TACC3: variants seen among roughly 807,000 people sequenced by gnomAD.
The protein encoded by TACC3 is transforming acidic coiled-coil containing protein 3, also known as transforming acidic coiled-coil-containing protein 3.
A neutral mutation model predicts 86.0 loss-of-function variants in TACC3; 52 were observed. The observed-to-expected ratio is 0.60, with a 90% CI of 0.48 to 0.76. The LOEUF (loss-of-function observed/expected upper bound fraction) is 0.76. TACC3 is among the 30% of genes least tolerant of loss of function. The probability of loss-of-function intolerance (pLI) is 0.00; values close to 1 mark genes in which losing one functional copy is unlikely to be tolerated. For synonymous variants in TACC3, 512 were observed against 430.0 expected, an observed-to-expected ratio of 1.19 and a Z score of -2.36; for missense variants, 1,120 against 1,070.4, an observed-to-expected ratio of 1.05 and a Z score of -0.65.
rs1717837461 is a variant in TACC3, at chr4:1,728,595, CT to C, written c.1195del (p.Ser399LeufsTer62). On this transcript the variant is annotated frameshift_variant, in exon 4 of 16. Coordinates refer to ENST00000313288, the MANE Select transcript of TACC3 (RefSeq NM_006342.3). LOFTEE classifies it high-confidence loss of function. ...GCAGGAGAGGACCCCCCCATGCCAGCTTCTCGGGGCTCTTACCACCTCGACT... is the reference window on the plus strand; with the variant it reads ...GCAGGAGAGGACCCCCCCATGCCAGCTCTCGGGGCTCTTACCACCTCGACT... ...SGAGEDPPMP[A>X]SRGSYHLDWD... 1 of 1,613,854 alleles carries C rather than the reference CT, an allele frequency of 6.2e-7. No individual in the cohort carries two copies. Among genetic ancestry groups the C allele is most frequent in the South Asian group, 1.1e-5 (1 of 91,086 alleles).
chr4:1,732,345 G>C (rs1007802181), intron 6 of TACC3, among the ~76,000 whole-genome samples: 25 of 149,504 alleles, frequency 1.7e-4, no homozygotes, highest in African/African-American at 6.2e-4. Context: ...CGGTTTGTCC[G>C]TAAGATTGGA....
Position 1,745,036 on chromosome 4 carries a change from G to GC in TACC3, c.*29dup, listed in dbSNP as rs752588395. ...TGACCTCCACGGAGCCGCTGTCCCC[G>GC]CCCCCCTGCTCCCGTCTGTCTGTCC... On this transcript the variant is annotated 3_prime_UTR_variant, in exon 16 of 16. Transcript: ENST00000313288. 29 of 1,589,806 alleles carry GC rather than the reference G, an allele frequency of 1.8e-5. No homozygotes were observed. The highest frequency in any genetic ancestry group is 7.1e-5 in the Admixed American group (4 of 56,260).
chr4:1,727,834 T>G lies in TACC3; in HGVS notation c.432T>G (p.Ser144=). The G allele has an allele frequency of 6.2e-7, 1 of 1,613,124 alleles. No individual in the cohort carries two copies. Among genetic ancestry groups the G allele is most frequent in the Non-Finnish European group, 8.5e-7 (1 of 1,180,010 alleles). The part of the protein sequence containing the change: ...PAFGSGSSSE[S]GPGALADLDC... ...TTGGGAGTGGCAGCTCCAGCGAGTC[T>G]GGCCCAGGTGCCCTGGCTGACCTGG... Residue 144 remains serine (S), a synonymous_variant, in exon 4 of 16, where the codon TCT becomes TCG. Coordinates refer to ENST00000313288, the MANE Select transcript of TACC3 (RefSeq NM_006342.3).
intron 1 of TACC3, 77 bp from the exon 2 acceptor site, chr4:1,723,341 TGCA>T (rs1717511919): frequency 6.8e-7 from 1 of 1,478,832 alleles, no homozygotes; most frequent in African/African-American, 1.4e-5. Context: ...TCGTGCCCCT[TGCA>T]GCAGCTGTCA....
rs1276891271 is a variant in TACC3, at chr4:1,728,087, C to T, written c.685C>T (p.Pro229Ser). ...CGAGGAAGAATGCAAAGCGGAGACT[C>T]CGCACGGAGCCGAGGAGGAATGCCG... The part of the protein sequence containing the change: ...GAEEECKAET[P>S]HGAEEECRHG... Residue 229 changes from proline to serine, a missense_variant, in exon 4 of 16, where the codon CCG (proline) becomes TCG (serine). Physicochemically the swap from Pro to Ser is moderately conservative, Grantham distance 74. Coordinates refer to ENST00000313288, the MANE Select transcript of TACC3 (RefSeq NM_006342.3). 1.3e-6 allele frequency: 2 copies of T among 1,599,920 alleles called. No individual in the cohort carries two copies. The highest frequency in any genetic ancestry group is 8.5e-7 in the Non-Finnish European group (1 of 1,175,122).
chr4:1,723,886 G>A lies in TACC3; in HGVS notation c.305+16G>A. 2.5e-6 allele frequency: 4 copies of A among 1,611,832 alleles called. No individual in the cohort carries two copies. The highest frequency in any genetic ancestry group is 4.5e-5 in the East Asian group (2 of 44,884). On this transcript the variant is annotated intron_variant, in intron 3 of 15. Transcript: ENST00000313288. The stretch of plus-strand genomic sequence containing the variant: ...AGAAAGAGAAGTAAGTGTTGGTGCT[G>A]CTGGACATGCTGGAGCTTCACCCTC...
rs897076139 is a variant in TACC3 at position 1,735,648 on chromosome 4, T to C, written c.1645-83T>C. ...GTGCGGGTGACCGGGGGTGGGAGTG[T>C]GCAGGTGACCTCCCTGGCCCTTAGC... On this transcript the variant is annotated intron_variant, in intron 7 of 15. Transcript: ENST00000313288. This position sits in a 1 kb window ranked among gnomAD's most constrained non-coding sequence, Gnocchi z 4.2. 1 of 1,101,000 alleles carries C rather than the reference T, an allele frequency of 9.1e-7. No individual in the cohort carries two copies. The highest frequency in any genetic ancestry group is 1.7e-5 in the Admixed American group (1 of 58,024). 68.2% of individuals were successfully genotyped at this position (1,101,000 alleles called of 1,614,324 possible).
At chr4:1,737,531 C>G (rs760385238) in intron 9 of TACC3, 67 bp from the exon 10 acceptor site, 208 of 1,322,886 alleles carry the variant, frequency 1.6e-4, no homozygotes, top group Non-Finnish European at 1.8e-4. Flanking sequence ...CCTTTCCTCC[C>G]TCACACTAGG....
In TACC3 at chr4:1,727,907, G is replaced by A; in HGVS notation, c.505G>A (p.Val169Met). The A allele has an allele frequency of 6.2e-7, 1 of 1,613,968 alleles. No homozygotes were observed. Among genetic ancestry groups the A allele is most frequent in the Non-Finnish European group, 8.5e-7 (1 of 1,180,034 alleles). The change falls in exon 4 of 16, where the codon GTG becomes ATG. Residue 169 changes from valine to methionine, a missense_variant. Val to Met is a conservative substitution (Grantham distance 21). Coordinates refer to ENST00000313288, the MANE Select transcript of TACC3 (RefSeq NM_006342.3). ...CCCAGGAAGTTCTGAGAACCAAATG[G>A]TGTCTCCAGGAAAAGTGTCTGGCAG... Reference protein sequence around the residue: ...QSPGSSENQMVSPGKVSGSPE... With the variant: ...QSPGSSENQMMSPGKVSGSPE...
rs751246475 is a variant in TACC3 at position 1,730,929 on chromosome 4, G to C, written c.1428G>C (p.Gln476His). 7.4e-6 allele frequency: 12 copies of C among 1,613,336 alleles called. No homozygotes were observed. The highest frequency in any genetic ancestry group is 9.3e-6 in the Non-Finnish European group (11 of 1,180,058). The part of the protein sequence containing the change: ...SASAEDTPVV[Q>H]LAAETPTAES... Reference sequence around the variant, plus strand: ...CAGCGGAGGACACGCCTGTGGTGCAGTTGGCAGCCGAGACCCCAACAGCAG... The same window carrying C: ...CAGCGGAGGACACGCCTGTGGTGCACTTGGCAGCCGAGACCCCAACAGCAG... Residue 476 changes from glutamine to histidine, a missense_variant, in exon 5 of 16, where the codon CAG (glutamine) becomes CAC (histidine). Coordinates refer to ENST00000313288, the MANE Select transcript of TACC3 (RefSeq NM_006342.3).
At chr4:1,734,180 G>A (rs1302135258) in intron 6 of TACC3, among the ~76,000 whole-genome samples, 2 of 152,122 alleles carry the variant, frequency 1.3e-5, no homozygotes, top group African/African-American at 4.8e-5. Context: ...CTGTCTTAAA[G>A]TACCAGTTTG....
intron 10 of TACC3, among the ~76,000 whole-genome samples, chr4:1,738,702 A>C (rs534609661): frequency 1.3e-5 from 2 of 152,340 alleles, no homozygotes; most frequent in East Asian, 3.9e-4. Context: ...TATTCCTGAC[A>C]CAGGTAGCCC....
Position 1,735,002 on chromosome 4 carries a change from C to T in TACC3, c.1592-271C>T, listed in dbSNP as rs991370546. On this transcript the variant is annotated intron_variant, in intron 6 of 15. Coordinates refer to ENST00000313288, the MANE Select transcript of TACC3 (RefSeq NM_006342.3). The surrounding 1 kb of genome is among the most constrained non-coding windows in gnomAD (Gnocchi z 4.2). ...AGTTCTCAACCAGAGCAGTTTTGCC[C>T]CCGCCTTTCCCCAGATGTTTGTGGT... Among the ~76,000 whole-genome samples the T allele has an allele frequency of 6.6e-5, 10 of 152,244 alleles. No homozygotes were observed. The highest frequency in any genetic ancestry group is 1.2e-4 in the Non-Finnish European group (8 of 68,052).
rs200559892 is a variant in TACC3 at position 1,739,912 on chromosome 4, C to G, written c.2019-47C>G. 5 of 1,610,742 alleles carry G rather than the reference C, an allele frequency of 3.1e-6. No individual in the cohort carries two copies. In the South Asian group the frequency reaches 4.4e-5, roughly 14 times the overall value. ...TCCCCATCCCCACCTGGCCTGGGAC[C>G]GCTGGGCACCCGAGGCAATGGCTGT... is the stretch of plus-strand genomic sequence containing the variant. On this transcript the variant is annotated intron_variant, in intron 11 of 15. Coordinates refer to ENST00000313288, the MANE Select transcript of TACC3 (RefSeq NM_006342.3).
rs755712093 is a variant in TACC3, at chr4:1,725,376, G to A, written c.305+1506G>A. On this transcript the variant is annotated intron_variant, in intron 3 of 15. Coordinates refer to ENST00000313288, the MANE Select transcript of TACC3 (RefSeq NM_006342.3). ...ACATCCTTCTCTGGGCCCTGGGTCC[G>A]TCTCCCCTCTACCCCTCCAGCCTGA... 5.3e-5 allele frequency among the ~76,000 whole-genome samples: 8 copies of A among 152,188 alleles called. No homozygotes were observed. In the East Asian group the frequency reaches 5.8e-4, roughly 11 times the overall value.
intron 4 of TACC3, 134 bp from the exon 5 acceptor site, chr4:1,730,753 G>A (rs1717964778): frequency 9.5e-7 from 1 of 1,057,802 alleles, no homozygotes; most frequent in Non-Finnish European, 1.4e-6. Context: ...CCCCATGCCT[G>A]GCACGCTCTA....
At chr4:1,744,648 C>G (rs763350289) in intron 14 of TACC3, 24 bp downstream of exon 14, 4 of 1,612,306 alleles carry the variant, frequency 2.5e-6, no homozygotes, top group Non-Finnish European at 3.4e-6. Context: ...GAGGCCCCAC[C>G]CTGGAGGGAG....
intron 8 of TACC3, among the ~76,000 whole-genome samples, chr4:1,736,392 C>T (rs529938508): frequency 3.0e-5 from 4 of 131,826 alleles, no homozygotes; most frequent in Admixed American, 2.7e-4. Flanking sequence ...CACTGCACTC[C>T]AGCCTGGGCA....
At chr4:1,731,022 G>T in intron 5 of TACC3, 60 bp downstream of exon 5, 1 of 1,605,640 alleles carries the variant, frequency 6.2e-7, no homozygotes. Flanking sequence ...AGAGTAGCAG[G>T]CAGTGGAAGC....
Sources: allele counts gnomAD v4.1 joint callset (sites outside exome capture counted in the v4.1 genomes callset), GRCh38; gene constraint gnomAD v4.1.1; non-coding constraint Gnocchi (gnomAD v3.1); transcripts MANE v1.5; gene names NCBI Gene and HGNC (gene_info 2026-07-23, HGNC 2026-07-21).